Variants in SLC7A8 observed in about 807,000 individuals in gnomAD.
SLC7A8 encodes the protein solute carrier family 7 member 8.
Under a neutral mutation model 51.2 loss-of-function variants are expected in SLC7A8, and 30 were observed. The observed-to-expected ratio is 0.59, with a 90% CI of 0.44 to 0.80. SLC7A8 has a LOEUF of 0.80. SLC7A8 is among the 30% of genes least tolerant of loss of function. SLC7A8 has a pLI of 0.00. For missense variants in SLC7A8, 612 were observed against 674.4 expected, an observed-to-expected ratio of 0.91 and a Z score of 1.03; for synonymous variants, 257 against 275.8, an observed-to-expected ratio of 0.93 and a Z score of 0.67.
intron 1 of SLC7A8, among the ~76,000 whole-genome samples, chr14:23,168,832 G>A (rs1046123017): frequency 1.3e-5 from 2 of 152,152 alleles, no homozygotes; most frequent in Non-Finnish European, 2.9e-5. Flanking sequence ...TTTCGAGTAT[G>A]TTCCCTTGTT....
chr14:23,142,346 GCTCT>G, intron 4 of SLC7A8, among the ~76,000 whole-genome samples: 1 of 152,238 alleles, frequency 6.6e-6, no homozygotes, highest in South Asian at 2.1e-4. Context: ...GGAATGCAGA[GCTCT>G]CTCTCTCAGA....
At chr14:23,175,423 G>T (rs760458740) in intron 1 of SLC7A8, among the ~76,000 whole-genome samples, 1 of 152,162 alleles carries the variant, frequency 6.6e-6, no homozygotes, top group Non-Finnish European at 1.5e-5. Flanking sequence ...TGGCCAGGCT[G>T]GTCCCGAGCT....
At chr14:23,167,183 A>G (rs2048954547) in intron 1 of SLC7A8, among the ~76,000 whole-genome samples, 1 of 152,210 alleles carries the variant, frequency 6.6e-6, no homozygotes, top group Admixed American at 6.5e-5. Flanking sequence ...AAATAACTCT[A>G]TAAAAACAGT....
intron 6 of SLC7A8, among the ~76,000 whole-genome samples, chr14:23,138,521 T>C (rs2013931): frequency 0.39 from 44,556 of 114,124 alleles, 8,359 homozygotes; most frequent in Admixed American, 0.55. Flanking sequence ...TTTATGATTT[T>C]TGAGCCTCTG....
chr14:23,175,582 G>T (rs559046010), intron 1 of SLC7A8, among the ~76,000 whole-genome samples: 34 of 152,288 alleles, frequency 2.2e-4, no homozygotes, highest in African/African-American at 7.5e-4. Flanking sequence ...TTTCTTACCT[G>T]CCGGGTTCCT....
chr14:23,174,162 G>T (rs1411482132), intron 1 of SLC7A8, among the ~76,000 whole-genome samples: 1 of 152,084 alleles, frequency 6.6e-6, no homozygotes, highest in Non-Finnish European at 1.5e-5. Context: ...TCAATATCAG[G>T]GTCCAAATAC....
chr14:23,180,131 C>A (rs1877105569), intron 1 of SLC7A8, among the ~76,000 whole-genome samples: 1 of 152,166 alleles, frequency 6.6e-6, no homozygotes, highest in Non-Finnish European at 1.5e-5. Context: ...TGGTCTTGAT[C>A]TCCTGACCTC....
At chr14:23,181,491 G>T (rs890953052) in intron 1 of SLC7A8, among the ~76,000 whole-genome samples, 1 of 152,116 alleles carries the variant, frequency 6.6e-6, no homozygotes, top group African/African-American at 2.4e-5. Context: ...ACTGAAGAGA[G>T]CTTGGTCACT....
chr14:23,182,824 C>T lies in SLC7A8; in HGVS notation c.91G>A (p.Gly31Arg). The T allele has an allele frequency of 6.2e-7, 1 of 1,613,864 alleles. No individual in the cohort carries two copies. Among genetic ancestry groups the T allele is most frequent in the South Asian group, 1.1e-5 (1 of 91,052 alleles). ...TCTTTCTTCAGGGCTACTCCGCCCCCTCCGGAACCAGCCTCGGGGCTGGCG... is the reference window on the plus strand; with the variant it reads ...TCTTTCTTCAGGGCTACTCCGCCCCTTCCGGAACCAGCCTCGGGGCTGGCG... ...SDASPEAGSG[G>R]GGVALKKEIG... Residue 31 changes from glycine (G) to arginine (R), a missense_variant, in exon 1 of 11, where the codon GGG (glycine) becomes AGG (arginine). Coordinates refer to ENST00000316902, the MANE Select transcript of SLC7A8 (RefSeq NM_012244.4).
intron 6 of SLC7A8, among the ~76,000 whole-genome samples, chr14:23,138,956 G>C (rs945301975): frequency 9.9e-5 from 15 of 152,122 alleles, no homozygotes; most frequent in African/African-American, 3.4e-4. Flanking sequence ...CCAACCCCTT[G>C]CACCAGCATG....
At chr14:23,153,425 G>A (rs1421383204) in intron 3 of SLC7A8, among the ~76,000 whole-genome samples, 1 of 152,154 alleles carries the variant, frequency 6.6e-6, no homozygotes, top group Admixed American at 6.5e-5. Context: ...TCCCTTGGCC[G>A]CTCCCACATC....
At chr14:23,153,816 G>A (rs2048868084) in intron 3 of SLC7A8, among the ~76,000 whole-genome samples, 1 of 151,970 alleles carries the variant, frequency 6.6e-6, no homozygotes, top group East Asian at 1.9e-4. Flanking sequence ...GGAAAGGCTT[G>A]GTTTTCCTTT....
Position 23,126,847 on chromosome 14 carries a change from G to T in SLC7A8, c.*330C>A. 1 of 364,200 alleles carries T rather than the reference G, an allele frequency of 2.7e-6. No individual in the cohort carries two copies. The allele number at this position is 364,200 out of a possible 1,614,324, so 22.6% of individuals were successfully genotyped here. On this transcript the variant is annotated 3_prime_UTR_variant, in exon 11 of 11. Transcript: ENST00000316902. ...CCTCCCTGGGAGGGAAGGCAGTAATGAGCTCCGGTTCCTGAAGAGGCAGCT... is the reference window on the plus strand; with the variant it reads ...CCTCCCTGGGAGGGAAGGCAGTAATTAGCTCCGGTTCCTGAAGAGGCAGCT...
intron 3 of SLC7A8, chr14:23,155,120 A>C: frequency 1.3e-6 from 2 of 1,508,006 alleles, no homozygotes; most frequent in Non-Finnish European, 1.8e-6. Flanking sequence ...ATCGCACGAT[A>C]GTAACATTTC....
At position 23,140,556 on chromosome 14, in the gene SLC7A8, C is replaced by A. The variant is rs1470081163; in HGVS notation, c.703G>T (p.Ala235Ser). The A allele has an allele frequency of 6.2e-7, 1 of 1,614,118 alleles. No homozygotes were observed. Among genetic ancestry groups the A allele is most frequent in the Admixed American group, 1.7e-5 (1 of 60,022 alleles). ...AAGGAGCCCTGAAGGAAAGCCAGTGCGACGAGGCCGATGTCAGGTTCCTGG... is the reference window on the plus strand; with the variant it reads ...AAGGAGCCCTGAAGGAAAGCCAGTGAGACGAGGCCGATGTCAGGTTCCTGG... ...NFQEPDIGLVALAFLQGSFAY... is the reference protein window; with the variant it reads ...NFQEPDIGLVSLAFLQGSFAY... Residue 235 changes from alanine (A) to serine (S), a missense_variant, in exon 5 of 11, where the codon GCA (alanine) becomes TCA (serine). Transcript: ENST00000316902.
rs764403706 is a variant in SLC7A8, at chr14:23,166,349, C to T, written c.343G>A (p.Gly115Arg). 2.9e-5 allele frequency: 46 copies of T among 1,613,694 alleles called. No homozygotes were observed. Among genetic ancestry groups the T allele is most frequent in the Admixed American group, 2.0e-4 (12 of 60,026 alleles). Reference sequence around the variant, plus strand: ...AGATCCTCTTACCCAGCCAGTCCTCCGAAGATGTCCTTGACATAGGAGTAG... The same window carrying T: ...AGATCCTCTTACCCAGCCAGTCCTCTGAAGATGTCCTTGACATAGGAGTAG... ...GDYSYVKDIF[G>R]GLAGFLRLWI... Residue 115 changes from glycine to arginine, a missense_variant, in exon 2 of 11, where the codon GGA becomes AGA. Gly to Arg is a moderately radical substitution (Grantham distance 125, BLOSUM62 -2). Coordinates refer to ENST00000316902, the MANE Select transcript of SLC7A8 (RefSeq NM_012244.4).
In SLC7A8 at chr14:23,182,848, CGT is replaced by C. The variant is rs1877244685; in HGVS notation, c.65_66del (p.Asp22GlyfsTer73). On this transcript the variant is annotated frameshift_variant, in exon 1 of 11. Transcript: ENST00000316902. LOFTEE classifies it high-confidence loss of function. Reference protein sequence around the residue: ...EKKHPGGGESDASPEAGSGGG... With the variant: ...EKKHPGGGESXASPEAGSGGG... ...CCTCCGGAACCAGCCTCGGGGCTGG[CGT>C]CCGACTCGCCCCCACCTGGGTGTTT... The C allele has an allele frequency of 6.2e-7, 1 of 1,613,896 alleles. No homozygotes were observed. Among genetic ancestry groups the C allele is most frequent in the South Asian group, 1.1e-5 (1 of 91,078 alleles).
chr14:23,154,193 C>T, intron 3 of SLC7A8: 1 of 964,720 alleles, frequency 1.0e-6, no homozygotes, highest in Non-Finnish European at 1.3e-6. Flanking sequence ...GCTCCCCAGC[C>T]CTCTGAAACG....
intron 3 of SLC7A8, among the ~76,000 whole-genome samples, chr14:23,152,757 T>C (rs1174749018): frequency 6.6e-6 from 1 of 152,178 alleles, no homozygotes; most frequent in East Asian, 1.9e-4. Flanking sequence ...GGACTCTGGC[T>C]TCTCATTGAG....
Sources: gnomAD v4.1 joint callset for allele counts (sites outside exome capture counted in the v4.1 genomes callset) on GRCh38, gnomAD v4.1.1 for gene constraint, MANE v1.5 for transcripts, NCBI Gene and HGNC (gene_info 2026-07-23, HGNC 2026-07-21) for gene names.